Variants in NR4A1 observed in about 807,000 individuals in gnomAD.
NR4A1 encodes the protein nuclear receptor subfamily 4 group A member 1, also known as nuclear receptor subfamily 4immunitygroup A member 1.
NR4A1 carries 24 observed loss-of-function variants against 47.5 expected under a neutral mutation model. That is an observed-to-expected ratio of 0.50 (90% CI 0.37 to 0.71). The LOEUF is 0.71. NR4A1 is among the 30% of genes least tolerant of loss of function. The probability of loss-of-function intolerance (pLI) is 0.00; values close to 1 mark genes in which losing one functional copy is unlikely to be tolerated. For missense variants in NR4A1, 669 were observed against 788.6 expected, an observed-to-expected ratio of 0.85 and a Z score of 1.82; for synonymous variants, 353 against 345.7, an observed-to-expected ratio of 1.02 and a Z score of -0.24.
At chr12:52,027,639 C>T (rs896355081) in intron 1 of NR4A1, among the ~76,000 whole-genome samples, 2 of 152,212 alleles carry the variant, frequency 1.3e-5, no homozygotes, top group African/African-American at 2.4e-5. Context: ...CTGAGAAACT[C>T]GGGGTGCACG....
intron 1 of NR4A1, chr12:52,053,368 T>C (rs965132324): frequency 1.2e-4 from 18 of 152,082 alleles, no homozygotes; most frequent in African/African-American, 4.3e-4. Context: ...GCAGAATGTC[T>C]TCCACCCACC....
chr12:52,056,225 C>T (rs1939266148), intron 3 of NR4A1, 66 bp downstream of exon 3: 1 of 1,518,120 alleles, frequency 6.6e-7, no homozygotes, highest in East Asian at 2.4e-5. Context: ...CCAGCAGGGC[C>T]CCCAGGCTTC....
intron 3 of NR4A1, 95 bp downstream of exon 3, chr12:52,056,254 G>A: frequency 2.7e-6 from 4 of 1,488,868 alleles, no homozygotes; most frequent in Non-Finnish European, 3.6e-6. Flanking sequence ...AGGACCCAGA[G>A]GAGGGCACGT....
intron 1 of NR4A1, among the ~76,000 whole-genome samples, chr12:52,039,458 T>C (rs1355316231): frequency 6.6e-6 from 1 of 152,206 alleles, no homozygotes; most frequent in Admixed American, 6.5e-5. Context: ...GATCCAGGGC[T>C]GGGGACTTTT....
Position 52,059,181 on chromosome 12 carries a change from T to C in NR4A1, c.*237T>C. ...CCAGCCTGGCCCCGGCCTTTATGTT[T>C]TTTGTAAGATAAACCGTTTTTAACA... On this transcript the variant is annotated 3_prime_UTR_variant, in exon 7 of 7. Transcript: ENST00000394825. 3.6e-6 allele frequency: 2 copies of C among 562,036 alleles called. No individual in the cohort carries two copies. The highest frequency in any genetic ancestry group is 6.1e-5 in the East Asian group (2 of 32,624). The allele number at this position is 562,036 out of a possible 1,614,324, so 34.8% of individuals were successfully genotyped here.
chr12:52,038,051 C>T (rs1372833868), intron 1 of NR4A1: 1 of 654,526 alleles, frequency 1.5e-6, no homozygotes, highest in Non-Finnish European at 1.9e-6. Context: ...TTGGCTCATT[C>T]CCCCCCAACG....
chr12:52,036,989 C>CGGCGTGGGGGGA (rs1444334104), intron 1 of NR4A1, among the ~76,000 whole-genome samples: 1 of 152,184 alleles, frequency 6.6e-6, no homozygotes, highest in African/African-American at 2.4e-5. Flanking sequence ...ACCGGGTGTG[C>CGGCGTGGGGGGA]GGCGTGGGGG....
chr12:52,052,778 A>G (rs548330860), intron 1 of NR4A1: 11 of 557,396 alleles, frequency 2.0e-5, no homozygotes, highest in Non-Finnish European at 2.3e-5. Flanking sequence ...AGTTCTGCCC[A>G]ACTGCTGTCT....
At position 52,037,820 on chromosome 12, in the gene NR4A1, C is replaced by T; in HGVS notation, c.-83-3990C>T. On this transcript the variant is annotated intron_variant, in intron 1 of 7. Coordinates refer to the NR4A1 transcript ENST00000360284. ...TGCGTGATGCAACCCCTTCGAGGGA[C>T]TGAGTCAAGAAACCAAGGCTGGGGG... 2.0e-6 allele frequency: 2 copies of T among 985,434 alleles called. 1 individual carries two copies. Among genetic ancestry groups the T allele is most frequent in the South Asian group, 9.4e-5 (2 of 21,288 alleles). The allele number at this position is 985,434 out of a possible 1,614,324, so 61.0% of individuals were successfully genotyped here. A position where few individuals can be genotyped will look rare whatever the true frequency, so the allele number is the denominator to read the frequency against.
upstream of NR4A1, among the ~76,000 whole-genome samples, chr12:52,049,548 C>T (rs201813297): frequency 3.9e-5 from 6 of 152,312 alleles, no homozygotes; most frequent in East Asian, 1.2e-3. Context: ...AATCCCAGCA[C>T]TTTGGGAAGC....
chr12:52,044,458 GC>G (rs1565644960), intron 2 of NR4A1, among the ~76,000 whole-genome samples: 1 of 152,190 alleles, frequency 6.6e-6, no homozygotes, highest in Non-Finnish European at 1.5e-5. Context: ...CCACAAACAC[GC>G]TCCGGGACCT....
In NR4A1 at chr12:52,029,406, A is replaced by G. The variant is rs183420453; in HGVS notation, c.-84+6467A>G. ...AACAGGCCCCTAATGTACTCCAGAG[A>G]CGGCCGGTGTGGTGGCCCACACCTG... On this transcript the variant is annotated intron_variant, in intron 1 of 7. Transcript: ENST00000360284. Among the ~76,000 whole-genome samples the G allele has an allele frequency of 2.6e-5, 4 of 152,270 alleles. No homozygotes were observed. In the East Asian group the frequency reaches 7.7e-4, roughly 29 times the overall value.
chr12:52,037,258 G>T (rs898549128), intron 1 of NR4A1: 10 of 537,512 alleles, frequency 1.9e-5, no homozygotes, highest in Middle Eastern at 9.7e-4. Flanking sequence ...GAGCGGCTGC[G>T]GCGCGGCTGC....
chr12:52,059,197 G>T lies in NR4A1; in HGVS notation c.*253G>T, dbSNP rs139430017. 2 of 535,612 alleles carry T rather than the reference G, an allele frequency of 3.7e-6. No homozygotes were observed. The highest frequency in any genetic ancestry group is 5.1e-5 in the South Asian group (2 of 39,522). The allele number at this position is 535,612 out of a possible 1,614,324, so 33.2% of individuals were successfully genotyped here. ...CTTTATGTTTTTTGTAAGATAAACC[G>T]TTTTTAACACATAGCGCCGTGCTGT... On this transcript the variant is annotated 3_prime_UTR_variant, in exon 7 of 7. Coordinates refer to ENST00000394825, the MANE Select transcript of NR4A1 (RefSeq NM_173157.3).
At chr12:52,041,493 G>C (rs1241354420) in intron 1 of NR4A1, among the ~76,000 whole-genome samples, 1 of 152,172 alleles carries the variant, frequency 6.6e-6, no homozygotes, top group Non-Finnish European at 1.5e-5. Context: ...GCCCTTTTGT[G>C]CATGTCAAAG....
chr12:52,043,535 G>A (rs760613156), intron 2 of NR4A1: 163 of 400,100 alleles, frequency 4.1e-4, no homozygotes, highest in Non-Finnish European at 4.1e-4. Context: ...TGTCTGCCAG[G>A]CCTGGGCACG....
intron 1 of NR4A1, among the ~76,000 whole-genome samples, chr12:52,027,956 C>T (rs144987263): frequency 6.6e-6 from 1 of 152,196 alleles, no homozygotes; most frequent in East Asian, 1.9e-4. Flanking sequence ...AATTCTAGCA[C>T]TTTTAGAGGC....
At chr12:52,056,747 A>G in intron 4 of NR4A1, 102 bp downstream of exon 4, 1 of 1,004,518 alleles carries the variant, frequency 1.0e-6, no homozygotes, top group Non-Finnish European at 1.4e-6. Context: ...CTGAATGAGA[A>G]AGGAGGTTTA....
In NR4A1 at chr12:52,055,043, C is replaced by T. The variant is rs1184478092; in HGVS notation, c.715C>T (p.His239Tyr). Residue 239 changes from histidine to tyrosine, a missense_variant, in exon 2 of 7, where the codon CAC becomes TAC. Physicochemically the swap from His to Tyr is moderately conservative, Grantham distance 83 (BLOSUM62 2). Transcript: ENST00000394825. ...CCCAGGTTTGGCACCCACTTCTCCA[C>T]ACCTTGAGGGCTCGGGGATACTGGA... ...AFPGLAPTSP[H>Y]LEGSGILDTP... 9 of 1,614,148 alleles carry T rather than the reference C, an allele frequency of 5.6e-6. No individual in the cohort carries two copies. The highest frequency in any genetic ancestry group is 6.8e-6 in the Non-Finnish European group (8 of 1,180,056).
Sources: allele counts gnomAD v4.1 joint callset (sites outside exome capture counted in the v4.1 genomes callset), GRCh38; gene constraint gnomAD v4.1.1; transcripts MANE v1.5; gene names NCBI Gene and HGNC (gene_info 2026-07-23, HGNC 2026-07-21).